Variants in ITIH2 observed in about 807,000 individuals in gnomAD.
ITIH2 encodes the protein inter-alpha-trypsin inhibitor heavy chain 2, also known as inter-alpha-trypsin inhibitor heavy chain H2.
A neutral mutation model predicts 104.4 loss-of-function variants in ITIH2; 103 were observed. That is an observed-to-expected ratio of 0.99 (90% CI 0.84 to 1.16). The LOEUF (loss-of-function observed/expected upper bound fraction) is 1.16. Ranked by LOEUF, ITIH2 falls within the 50% of genes most tolerant of loss-of-function variation. The pLI, the probability that ITIH2 is intolerant of heterozygous loss-of-function variation, is 0.00. For synonymous variants in ITIH2, 436 were observed against 435.4 expected, an observed-to-expected ratio of 1.00 and a Z score of -0.02; for missense variants, 1,108 against 1,162.4, an observed-to-expected ratio of 0.95 and a Z score of 0.68.
chr10:7,719,887 G>C (rs1305874683), intron 6 of ITIH2, among the ~76,000 whole-genome samples: 1 of 147,830 alleles, frequency 6.8e-6, no homozygotes, highest in Non-Finnish European at 1.5e-5. Flanking sequence ...TGTACACGGG[G>C]ACATAGGGTG....
At chr10:7,746,489 G>A in intron 19 of ITIH2, 104 bp from the exon 20 acceptor site, 1 of 734,366 alleles carries the variant, frequency 1.4e-6, no homozygotes, top group Non-Finnish European at 2.3e-6. Context: ...TTCCACCCTA[G>A]AAATCCTGGA....
intron 11 of ITIH2, among the ~76,000 whole-genome samples, chr10:7,729,110 T>A (rs1224794194): frequency 6.6e-6 from 1 of 152,158 alleles, no homozygotes; most frequent in Non-Finnish European, 1.5e-5. Context: ...GGTCAGGAAT[T>A]CAAGACCAGC....
chr10:7,739,196 G>A (rs533236049), intron 16 of ITIH2, among the ~76,000 whole-genome samples: 101 of 152,314 alleles, frequency 6.6e-4, no homozygotes, highest in Non-Finnish European at 1.1e-3. Flanking sequence ...GGGGAAATGG[G>A]AGGGAGAGCG....
intron 6 of ITIH2, among the ~76,000 whole-genome samples, chr10:7,718,624 C>T (rs762591950): frequency 8.5e-5 from 13 of 152,130 alleles, no homozygotes; most frequent in Admixed American, 4.6e-4. Context: ...GATTTCACCA[C>T]CCAGGTAATG....
intron 20 of ITIH2, among the ~76,000 whole-genome samples, chr10:7,747,631 A>G (rs1335931813): frequency 6.6e-6 from 1 of 152,200 alleles, no homozygotes; most frequent in Non-Finnish European, 1.5e-5. Context: ...TCATGCCTGT[A>G]ATCCCAATGC....
chr10:7,714,163 C>CTCTTTTTT (rs1564298974), intron 5 of ITIH2, among the ~76,000 whole-genome samples: 10 of 125,634 alleles, frequency 8.0e-5, no homozygotes, highest in African/African-American at 3.0e-4. Context: ...TGCACACTCA[C>CTCTTTTTT]TATTTTTTTT....
At chr10:7,743,907 A>G (rs555130533) in intron 17 of ITIH2, among the ~76,000 whole-genome samples, 175 bp from the exon 18 acceptor site, 4 of 152,222 alleles carry the variant, frequency 2.6e-5, no homozygotes, top group African/African-American at 9.6e-5. Flanking sequence ...TATAAATGTT[A>G]TATTAACATG....
At chr10:7,718,706 G>A (rs949231962) in intron 6 of ITIH2, among the ~76,000 whole-genome samples, 3 of 152,066 alleles carry the variant, frequency 2.0e-5, no homozygotes, top group African/African-American at 7.2e-5. Context: ...AGGCCCTGGT[G>A]TCAACTGTTC....
rs1460019947 is a variant in ITIH2 at position 7,735,105 on chromosome 10, C to A, written c.1957+14C>A. The A allele has an allele frequency of 6.3e-7, 1 of 1,594,548 alleles. No homozygotes were observed. On this transcript the variant is annotated intron_variant, in intron 15 of 20. Transcript: ENST00000358415. ...CCTGCTGCTCAGGTCAGGGCTGCACCTGTGGGGACAAGTGGCCAGGCAGCT... is the reference window on the plus strand; with the variant it reads ...CCTGCTGCTCAGGTCAGGGCTGCACATGTGGGGACAAGTGGCCAGGCAGCT...
At chr10:7,733,892 A>C (rs1352874967) in intron 14 of ITIH2, among the ~76,000 whole-genome samples, 3 of 152,040 alleles carry the variant, frequency 2.0e-5, no homozygotes, top group African/African-American at 4.8e-5. Context: ...TAGAAGAAAT[A>C]CGCAAGGCTG....
chr10:7,719,921 C>T (rs958240239), intron 6 of ITIH2, among the ~76,000 whole-genome samples: 3 of 139,122 alleles, frequency 2.2e-5, no homozygotes, highest in East Asian at 2.1e-4. Context: ...ATTGGAGACT[C>T]GAAAGTGTGG....
In ITIH2 at chr10:7,749,326, C is replaced by G; in HGVS notation, c.2833C>G (p.Arg945Gly). The G allele has an allele frequency of 6.2e-7, 1 of 1,613,810 alleles. No homozygotes were observed. The highest frequency in any genetic ancestry group is 8.5e-7 in the Non-Finnish European group (1 of 1,179,740). ...FVPQLYSFLK[R>G]P Reference sequence around the variant, plus strand: ...GCCTCAGCTCTACAGCTTTCTCAAACGGCCTTAAAGGTTTATAGTTTGGGA... The same window carrying G: ...GCCTCAGCTCTACAGCTTTCTCAAAGGGCCTTAAAGGTTTATAGTTTGGGA... Residue 945 changes from arginine (R) to glycine (G), a missense_variant, in exon 21 of 21, where the codon CGG (arginine) becomes GGG (glycine). Arg to Gly is a moderately radical substitution (Grantham distance 125). Transcript: ENST00000358415.
chr10:7,729,361 C>T (rs1467386251), intron 11 of ITIH2, among the ~76,000 whole-genome samples: 1 of 151,964 alleles, frequency 6.6e-6, no homozygotes, highest in African/African-American at 2.4e-5. Flanking sequence ...CATGGTTTCT[C>T]ACTCCTGTTT....
chr10:7,705,010 T>G (rs1050014544), intron 1 of ITIH2, 98 bp from the exon 2 acceptor site: 34 of 727,736 alleles, frequency 4.7e-5, no homozygotes, highest in Non-Finnish European at 7.1e-5. Context: ...ACATGGCACA[T>G]GTATACCTAT....
Position 7,726,952 on chromosome 10 carries a change from T to C in ITIH2, c.987T>C (p.Thr329=), listed in dbSNP as rs777189918. ...GSMWGVKMKQ[T]VEAMKTILDD... ...GTCTTTATTCTCTATTGAAATAGAC[T>C]GTGGAAGCAATGAAGACCATATTGG... Residue 329 remains threonine, a splice_region_variant and synonymous_variant, in exon 10 of 21, where the codon ACT becomes ACC. Coordinates refer to ENST00000358415, the MANE Select transcript of ITIH2 (RefSeq NM_002216.3). 1.2e-6 allele frequency: 2 copies of C among 1,608,066 alleles called. No individual in the cohort carries two copies. Among genetic ancestry groups the C allele is most frequent in the South Asian group, 1.1e-5 (1 of 89,970 alleles).
chr10:7,710,594 T>C (rs1416167698), intron 4 of ITIH2, among the ~76,000 whole-genome samples: 1 of 152,158 alleles, frequency 6.6e-6, no homozygotes, highest in Non-Finnish European at 1.5e-5. Flanking sequence ...TACACCAAGG[T>C]AATCAGTGAT....
chr10:7,725,901 G>C (rs1054719917), intron 9 of ITIH2, among the ~76,000 whole-genome samples: 4 of 152,190 alleles, frequency 2.6e-5, no homozygotes, highest in African/African-American at 9.7e-5. Context: ...GGAAGAAGAG[G>C]ATAATTGGTG....
At chr10:7,736,560 A>G (rs1326063843) in intron 15 of ITIH2, among the ~76,000 whole-genome samples, 2 of 152,210 alleles carry the variant, frequency 1.3e-5, no homozygotes, top group East Asian at 1.9e-4. Context: ...AATCATAACC[A>G]TAAGATTCTG....
chr10:7,732,814 G>A (rs1835016783), intron 14 of ITIH2, among the ~76,000 whole-genome samples: 1 of 151,878 alleles, frequency 6.6e-6, no homozygotes, highest in Non-Finnish European at 1.5e-5. Context: ...TGCAAGCTCC[G>A]CCTCCCGGGT....
Sources: allele counts gnomAD v4.1 joint callset (sites outside exome capture counted in the v4.1 genomes callset), GRCh38; gene constraint gnomAD v4.1.1; transcripts MANE v1.5; gene names NCBI Gene and HGNC (gene_info 2026-07-23, HGNC 2026-07-21).